GALNT10: variants seen among roughly 807,000 people sequenced by gnomAD.
GALNT10 encodes polypeptide N-acetylgalactosaminyltransferase 10, also known as GalNAc transferase 10.
GALNT10 carries 41 observed loss-of-function variants against 75.0 expected under a neutral mutation model. The observed-to-expected ratio is 0.55, with a 90% CI of 0.43 to 0.71. The LOEUF (loss-of-function observed/expected upper bound fraction) is 0.71, where lower values mean the gene tolerates loss of function less well. Ranked by LOEUF, GALNT10 falls within the 30% of genes least tolerant of loss-of-function variation. The pLI is 0.00. For synonymous variants in GALNT10, 302 were observed against 313.0 expected, an observed-to-expected ratio of 0.96 and a Z score of 0.37; for missense variants, 727 against 818.5, an observed-to-expected ratio of 0.89 and a Z score of 1.36.
chr5:154,321,048 A>G (rs903939336), intron 3 of GALNT10, among the ~76,000 whole-genome samples: 1 of 152,212 alleles, frequency 6.6e-6, no homozygotes, highest in Non-Finnish European at 1.5e-5. Flanking sequence ...ATTATCAGAC[A>G]TACAGAAAAA....
intron 4 of GALNT10, among the ~76,000 whole-genome samples, chr5:154,330,491 C>T (rs921360720): frequency 2.6e-5 from 4 of 152,214 alleles, no homozygotes; most frequent in African/African-American, 2.4e-5. Flanking sequence ...GGTCACACAG[C>T]TCTCATGTAG....
chr5:154,247,607 T>C (rs549478500), intron 1 of GALNT10, among the ~76,000 whole-genome samples: 2 of 152,236 alleles, frequency 1.3e-5, no homozygotes, highest in South Asian at 2.1e-4. Flanking sequence ...TTTGGCTCTC[T>C]GTTTGTCTGT....
intron 1 of GALNT10, among the ~76,000 whole-genome samples, chr5:154,239,072 C>T (rs763165426): frequency 2.0e-5 from 3 of 152,206 alleles, no homozygotes; most frequent in Non-Finnish European, 4.4e-5. Flanking sequence ...CTTCTCTTTA[C>T]CTCACCATTC....
At chr5:154,413,636 C>T (rs1756445687) in intron 10 of GALNT10, among the ~76,000 whole-genome samples, 1 of 152,190 alleles carries the variant, frequency 6.6e-6, no homozygotes, top group African/African-American at 2.4e-5. Flanking sequence ...AGCCACTGCT[C>T]AGACAATAGT....
At chr5:154,259,174 T>C (rs1753661101) in intron 1 of GALNT10, among the ~76,000 whole-genome samples, 1 of 152,218 alleles carries the variant, frequency 6.6e-6, no homozygotes, top group African/African-American at 2.4e-5. Context: ...GGGATCTCTT[T>C]AGTTTCCTTC....
chr5:154,266,039 G>A (rs1374613271), intron 1 of GALNT10, among the ~76,000 whole-genome samples: 2 of 152,090 alleles, frequency 1.3e-5, no homozygotes, highest in South Asian at 4.1e-4. Flanking sequence ...TCAGAAATGT[G>A]GGATGTATAG....
At chr5:154,208,883 C>T (rs1775150568) in intron 1 of GALNT10, among the ~76,000 whole-genome samples, 1 of 152,188 alleles carries the variant, frequency 6.6e-6, no homozygotes, top group Admixed American at 6.5e-5. Flanking sequence ...GAGTTAACAG[C>T]ACCCAAGGAA....
At chr5:154,244,228 T>C (rs958904728) in intron 1 of GALNT10, among the ~76,000 whole-genome samples, 8 of 152,206 alleles carry the variant, frequency 5.3e-5, no homozygotes, top group Admixed American at 5.2e-4. Context: ...ATGTGGCCTG[T>C]ATTATTCCTT....
At chr5:154,207,197 G>A (rs1281808085) in intron 1 of GALNT10, among the ~76,000 whole-genome samples, 2 of 152,206 alleles carry the variant, frequency 1.3e-5, no homozygotes, top group Non-Finnish European at 2.9e-5. Context: ...TGCGCAATAT[G>A]CGTTCAAAAA....
intron 3 of GALNT10, among the ~76,000 whole-genome samples, chr5:154,306,658 A>G (rs539031715): frequency 4.1e-4 from 63 of 152,260 alleles, no homozygotes; most frequent in Non-Finnish European, 5.3e-4. Context: ...AAACAGAAGA[A>G]AGGATGTGAA....
At position 154,367,344 on chromosome 5, in the gene GALNT10, G is replaced by T. The variant is rs557287496; in HGVS notation, c.569-8933G>T. Among the ~76,000 whole-genome samples, 8 of 152,286 alleles carry T rather than the reference G, an allele frequency of 5.3e-5. No homozygotes were observed. The East Asian group carries it at 1.5e-3, about 29-fold the overall frequency. ...TTGGGGCTGAGGTTTGAGAACCTTT[G>T]CTGTGAGCCCTATTGGGATATGTGT... On this transcript the variant is annotated intron_variant, in intron 4 of 11. Transcript: ENST00000297107.
intron 4 of GALNT10, among the ~76,000 whole-genome samples, chr5:154,358,996 T>G (rs1172503070): frequency 1.3e-5 from 2 of 152,202 alleles, no homozygotes; most frequent in African/African-American, 2.4e-5. Context: ...GTATGAGCCT[T>G]TGCCACAAGA....
At chr5:154,306,861 C>G (rs1754442894) in intron 3 of GALNT10, among the ~76,000 whole-genome samples, 1 of 152,212 alleles carries the variant, frequency 6.6e-6, no homozygotes, top group Admixed American at 6.5e-5. Flanking sequence ...ATAGTAGACT[C>G]TCACAGCACT....
chr5:154,384,195 A>G (rs1390036433), intron 6 of GALNT10, among the ~76,000 whole-genome samples: 1 of 152,106 alleles, frequency 6.6e-6, no homozygotes, highest in Non-Finnish European at 1.5e-5. Flanking sequence ...ACAGTTCAAG[A>G]TAAGATTTGG....
At chr5:154,377,381 G>A (rs962589452) in intron 5 of GALNT10, among the ~76,000 whole-genome samples, 1 of 152,174 alleles carries the variant, frequency 6.6e-6, no homozygotes, top group Non-Finnish European at 1.5e-5. Context: ...AGAAAGGATG[G>A]GTAAGCTCTG....
At chr5:154,256,241 AT>A (rs1342108739) in intron 1 of GALNT10, among the ~76,000 whole-genome samples, 2 of 152,118 alleles carry the variant, frequency 1.3e-5, no homozygotes. Context: ...AACTGCTGTC[AT>A]GCAGGAATAC....
intron 1 of GALNT10, among the ~76,000 whole-genome samples, chr5:154,233,872 G>A (rs1017327133): frequency 6.6e-6 from 1 of 152,150 alleles, no homozygotes; most frequent in Non-Finnish European, 1.5e-5. Flanking sequence ...GCTGTGGGTA[G>A]CTTCTTGGAC....
intron 1 of GALNT10, among the ~76,000 whole-genome samples, chr5:154,258,049 G>A (rs1226821665): frequency 6.6e-6 from 1 of 152,152 alleles, no homozygotes; most frequent in African/African-American, 2.4e-5. Flanking sequence ...GAAGAAGGAA[G>A]AAAGGAGTTA....
intron 4 of GALNT10, among the ~76,000 whole-genome samples, chr5:154,340,121 T>A (rs748647418): frequency 2.0e-5 from 3 of 152,224 alleles, no homozygotes; most frequent in Non-Finnish European, 4.4e-5. Flanking sequence ...TAACAGTAGC[T>A]TCCTTAATAA....
Sources: gnomAD v4.1 joint callset for allele counts (sites outside exome capture counted in the v4.1 genomes callset) on GRCh38, gnomAD v4.1.1 for gene constraint, MANE v1.5 for transcripts, NCBI Gene and HGNC (gene_info 2026-07-23, HGNC 2026-07-21) for gene names.